SLIT3: variants seen among roughly 807,000 people sequenced by gnomAD.
SLIT3 encodes the protein slit guidance ligand 3.
A neutral mutation model predicts 184.0 loss-of-function variants in SLIT3; 68 were observed. The observed-to-expected ratio is 0.37, with a 90% CI of 0.30 to 0.45. The LOEUF (loss-of-function observed/expected upper bound fraction) is 0.45. Ranked by LOEUF, SLIT3 falls within the 20% of genes least tolerant of loss-of-function variation. The pLI is 1.00. For synonymous variants in SLIT3, 831 were observed against 828.6 expected (o/e 1.00, Z -0.05); for missense variants, 1,707 against 2,026.0 (o/e 0.84, Z 3.02).
chr5:169,216,345 C>A (rs1466604749), intron 3 of SLIT3, among the ~76,000 whole-genome samples: 3 of 152,234 alleles, frequency 2.0e-5, no homozygotes, highest in Non-Finnish European at 2.9e-5. Flanking sequence ...ACCCTTTGAG[C>A]TCCATTCCGT....
intron 5 of SLIT3, among the ~76,000 whole-genome samples, chr5:168,863,715 G>C (rs948749411): frequency 3.9e-5 from 6 of 152,132 alleles, no homozygotes; most frequent in African/African-American, 1.4e-4. Context: ...CCCATTCTTT[G>C]GGCTGAGATC....
intron 9 of SLIT3, 31 bp downstream of exon 9, chr5:168,806,415 G>T (rs1475207406): frequency 6.2e-7 from 1 of 1,613,524 alleles, no homozygotes; most frequent in African/African-American, 1.3e-5. Flanking sequence ...TCCGGCGACA[G>T]TTGTTGGGGG....
chr5:169,107,844 C>T (rs1760272802), intron 4 of SLIT3, among the ~76,000 whole-genome samples: 1 of 152,258 alleles, frequency 6.6e-6, no homozygotes, highest in African/African-American at 2.4e-5. Flanking sequence ...TCCCCTCATG[C>T]CCTAGGCTTG....
chr5:169,077,023 A>G (rs1422113358), intron 4 of SLIT3, among the ~76,000 whole-genome samples: 4 of 152,062 alleles, frequency 2.6e-5, no homozygotes, highest in Non-Finnish European at 5.9e-5. Flanking sequence ...ACAGGTTTGA[A>G]CTACCTGGGA....
chr5:169,042,372 T>G lies in SLIT3; in HGVS notation c.413+151107A>C, dbSNP rs538693857. Among the ~76,000 whole-genome samples the G allele has an allele frequency of 2.0e-5, 3 of 152,340 alleles. No individual in the cohort carries two copies. In the East Asian group the frequency reaches 5.8e-4, roughly 29 times the overall value. On this transcript the variant is annotated intron_variant, in intron 4 of 35. Coordinates refer to ENST00000519560, the MANE Select transcript of SLIT3 (RefSeq NM_003062.4). ...GTTCTATATAACAAAAAGTCCTCAG[T>G]TGCATTATTTAAAAACTGCTTTGGA... is the stretch of plus-strand genomic sequence containing the variant.
intron 4 of SLIT3, among the ~76,000 whole-genome samples, chr5:168,942,374 G>T (rs1202936438): frequency 1.3e-5 from 2 of 152,102 alleles, no homozygotes; most frequent in Admixed American, 1.3e-4. Flanking sequence ...AAGCCATTTT[G>T]AATTAGCATT....
At chr5:169,244,171 TG>T (rs1010739540) in intron 3 of SLIT3, among the ~76,000 whole-genome samples, 10 of 152,302 alleles carry the variant, frequency 6.6e-5, no homozygotes, top group African/African-American at 2.4e-4. Flanking sequence ...CGTGGAAACG[TG>T]GGGGCTTCTT....
intron 5 of SLIT3, among the ~76,000 whole-genome samples, chr5:168,876,247 C>G (rs1364433997): frequency 6.6e-6 from 1 of 152,124 alleles, no homozygotes; most frequent in Non-Finnish European, 1.5e-5. Context: ...TATTTCTGAA[C>G]AACTGCACAA....
chr5:168,991,204 G>A (rs1280024110), intron 4 of SLIT3, among the ~76,000 whole-genome samples: 1 of 152,194 alleles, frequency 6.6e-6, no homozygotes, highest in Non-Finnish European at 1.5e-5. Context: ...CAAGGACTCT[G>A]AACTGGGGGG....
intron 4 of SLIT3, among the ~76,000 whole-genome samples, chr5:169,083,062 G>A (rs1166024529): frequency 6.6e-6 from 1 of 152,124 alleles, no homozygotes; most frequent in Non-Finnish European, 1.5e-5. Context: ...TAAGAATTTG[G>A]TCTTAGTTGC....
At chr5:168,870,423 T>C (rs1476285588) in intron 5 of SLIT3, among the ~76,000 whole-genome samples, 1 of 152,206 alleles carries the variant, frequency 6.6e-6, no homozygotes, top group Non-Finnish European at 1.5e-5. Context: ...CACCTCCCAG[T>C]CAACACCAAC....
intron 5 of SLIT3, among the ~76,000 whole-genome samples, chr5:168,846,196 T>C (rs905815153): frequency 2.6e-5 from 4 of 152,174 alleles, no homozygotes; most frequent in African/African-American, 7.2e-5. Context: ...ATCATCTCAA[T>C]AGATGCTCAT....
chr5:168,982,609 G>C (rs181839776), intron 4 of SLIT3, among the ~76,000 whole-genome samples: 154 of 152,232 alleles, frequency 1.0e-3, no homozygotes, highest in Admixed American at 1.7e-3. Context: ...TTAGTCTATA[G>C]GTTGCAGTCT....
At chr5:168,852,688 G>C (rs1394103990) in intron 5 of SLIT3, among the ~76,000 whole-genome samples, 3 of 152,132 alleles carry the variant, frequency 2.0e-5, no homozygotes, top group Admixed American at 6.5e-5. Context: ...CACATTTCTA[G>C]CCCATACTAA....
chr5:168,843,597 C>T (rs1758345720), intron 6 of SLIT3, among the ~76,000 whole-genome samples: 2 of 152,116 alleles, frequency 1.3e-5, no homozygotes, highest in Non-Finnish European at 2.9e-5. Flanking sequence ...AACTGAGGCT[C>T]CCAGAGCCGA....
chr5:168,724,573 T>C, intron 20 of SLIT3, 89 bp from the exon 21 acceptor site: 1 of 1,037,538 alleles, frequency 9.6e-7, no homozygotes, highest in South Asian at 1.6e-5. Flanking sequence ...CTTTCCAGGC[T>C]GGATTAGGTC....
At chr5:168,770,870 T>C (rs1451825302) in intron 14 of SLIT3, among the ~76,000 whole-genome samples, 1 of 152,012 alleles carries the variant, frequency 6.6e-6, no homozygotes, top group African/African-American at 2.4e-5. Flanking sequence ...TTCTCCTACT[T>C]AGTTCTTTCT....
intron 4 of SLIT3, among the ~76,000 whole-genome samples, chr5:169,071,971 C>A (rs1758562969): frequency 6.6e-6 from 1 of 152,154 alleles, no homozygotes; most frequent in African/African-American, 2.4e-5. Flanking sequence ...TTTGATGTTG[C>A]TTGGATGTAA....
intron 3 of SLIT3, among the ~76,000 whole-genome samples, chr5:169,237,107 G>C (rs147186338): frequency 6.6e-6 from 1 of 152,188 alleles, no homozygotes; most frequent in Non-Finnish European, 1.5e-5. Flanking sequence ...AGTTCCTTTT[G>C]CCTTTAGTCT....
Sources: gnomAD v4.1 joint callset for allele counts (sites outside exome capture counted in the v4.1 genomes callset) on GRCh38, gnomAD v4.1.1 for gene constraint, MANE v1.5 for transcripts, NCBI Gene and HGNC (gene_info 2026-07-23, HGNC 2026-07-21) for gene names.